The following MUS81 variants were observed in gnomAD, a reference collection of about 807,000 sequenced individuals.
The protein encoded by MUS81 is structure-specific endonuclease subunit MUS81.
A neutral mutation model predicts 74.2 loss-of-function variants in MUS81; 69 were observed. The ratio of observed to expected loss-of-function variants is 0.93; its 90% CI spans 0.77 to 1.14. The LOEUF is 1.14. Ranked by LOEUF, MUS81 falls within the 50% of genes most tolerant of loss-of-function variation. The probability of loss-of-function intolerance (pLI) is 0.00; values close to 1 mark genes in which losing one functional copy is unlikely to be tolerated. For missense variants in MUS81, 711 were observed against 726.5 expected, an observed-to-expected ratio of 0.98 and a Z score of 0.25; for synonymous variants, 303 against 300.6, an observed-to-expected ratio of 1.01 and a Z score of -0.08.
At position 65,861,406 on chromosome 11, in the gene MUS81, C is replaced by A. The variant is rs770980629; in HGVS notation, c.322C>A (p.Leu108Ile). The change falls in exon 3 of 16, where the codon CTT (leucine) becomes ATT (isoleucine). Residue 108 changes from leucine (L) to isoleucine (I), a missense_variant. Transcript: ENST00000308110. ...GAACAGTCCAGCCCCGCAGGGGCGA[C>A]TTGCGGAAGTCCAGGACTCTTCCAT... The part of the protein sequence containing the change: ...GENSPAPQGR[L>I]AEVQDSSMPV... The A allele has an allele frequency of 6.2e-7, 1 of 1,605,072 alleles. No individual in the cohort carries two copies. Among genetic ancestry groups the A allele is most frequent in the Non-Finnish European group, 8.5e-7 (1 of 1,174,938 alleles).
rs1232876757 is a variant in MUS81 at position 65,860,637 on chromosome 11, C to G, written c.-117C>G. 2 of 1,425,066 alleles carry G rather than the reference C, an allele frequency of 1.4e-6. No individual in the cohort carries two copies. The highest frequency in any genetic ancestry group is 2.5e-5 in the South Asian group (2 of 80,770). The allele number at this position is 1,425,066 out of a possible 1,614,324, so 88.3% of individuals were successfully genotyped here. On this transcript the variant is annotated 5_prime_UTR_variant, in exon 1 of 16. Transcript: ENST00000308110. Reference sequence around the variant, plus strand: ...GGCCCCGTGATCTCAACGGTCCTGCCCTCGGTCTCCCTCTTCCCCCGCCCC... The same window carrying G: ...GGCCCCGTGATCTCAACGGTCCTGCGCTCGGTCTCCCTCTTCCCCCGCCCC...
chr11:65,862,025 G>T lies in MUS81; in HGVS notation c.430G>T (p.Val144Leu). The change falls in exon 4 of 16, where the codon GTG (valine) becomes TTG (leucine). Residue 144 changes from valine (V) to leucine (L), a missense_variant. Transcript: ENST00000308110. ...RHSGARVILLVLYREHLNPNG... is the reference protein window; with the variant it reads ...RHSGARVILLLLYREHLNPNG... ...CTCAGGAGCCCGAGTGATACTGCTG[G>T]TGCTCTACCGGGAGCACCTGGTGAG... The T allele has an allele frequency of 1.2e-6, 2 of 1,609,670 alleles. No individual in the cohort carries two copies. Among genetic ancestry groups the T allele is most frequent in the African/African-American group, 1.3e-5 (1 of 74,962 alleles).
chr11:65,865,745 C>A (rs1859804116), intron 14 of MUS81, 66 bp from the exon 15 acceptor site: 5 of 1,505,316 alleles, frequency 3.3e-6, no homozygotes. Context: ...CTCTGCCTGG[C>A]CCCTCATGGT....
upstream of MUS81, chr11:65,860,122 A>C: frequency 5.1e-6 from 2 of 388,782 alleles, no homozygotes; most frequent in East Asian, 7.4e-5. Context: ...CATTTCCTCC[A>C]AGGGTCCTGC....
Position 65,860,597 on chromosome 11 carries a change from GC to G in MUS81, c.-152del, listed in dbSNP as rs1859550156. On this transcript the variant is annotated 5_prime_UTR_variant, in exon 1 of 16. Transcript: ENST00000308110. ...GGCCGCAGGCTCTCCTCTCGTTAGT[GC>G]CCCCTGTGTTTGGGGCCCCGTGATC... 6 of 969,404 alleles carry G rather than the reference GC, an allele frequency of 6.2e-6. No individual in the cohort carries two copies. In the Admixed American group the frequency reaches 8.9e-5, roughly 14 times the overall value. 60.1% of individuals were successfully genotyped at this position (969,404 alleles called of 1,614,324 possible).
intron 6 of MUS81, 117 bp from the exon 7 acceptor site, chr11:65,862,948 G>T (rs960248857): frequency 1.4e-5 from 18 of 1,320,818 alleles, no homozygotes; most frequent in Non-Finnish European, 1.9e-5. Context: ...GAGCCACTGG[G>T]GTCATTTGTG....
At chr11:65,864,324 A>G (rs1859730419) in intron 10 of MUS81, 173 bp from the exon 11 acceptor site, 1 of 637,256 alleles carries the variant, frequency 1.6e-6, no homozygotes, top group Non-Finnish European at 2.8e-6. Flanking sequence ...CAAGAGTGTC[A>G]GCATGAGCAA....
At chr11:65,863,380 T>C (rs1385309725) in intron 7 of MUS81, 30 bp from the exon 8 acceptor site, 1 of 1,613,296 alleles carries the variant, frequency 6.2e-7, no homozygotes, top group African/African-American at 1.3e-5. Flanking sequence ...CAAGGGGTTC[T>C]GGCCTCACAT....
chr11:65,861,171 A>G, intron 2 of MUS81, 69 bp downstream of exon 2: 1 of 1,605,312 alleles, frequency 6.2e-7, no homozygotes, highest in South Asian at 1.1e-5. Flanking sequence ...CTCTCCTGGG[A>G]GCCCTTGGCT....
At chr11:65,865,673 G>A in intron 14 of MUS81, 138 bp from the exon 15 acceptor site, 1 of 891,350 alleles carries the variant, frequency 1.1e-6, no homozygotes, top group African/African-American at 1.7e-5. Context: ...CTGGCATGGG[G>A]CCTTGAGTGC....
intron 7 of MUS81, 55 bp downstream of exon 7, chr11:65,863,260 G>T: frequency 6.3e-7 from 1 of 1,586,452 alleles, no homozygotes; most frequent in Non-Finnish European, 8.6e-7. Flanking sequence ...TGGGAAATGA[G>T]GCCAAAGCCC....
rs1555041589 is a variant in MUS81, at chr11:65,865,042, G to T, written c.1298G>T (p.Trp433Leu). ...GGCCACACCCTACGCAGCCGCCCCT[G>T]GGGAACCCCTGGGAACCCTGAATCA... is the stretch of plus-strand genomic sequence containing the variant. ...YQGHTLRSRP[W>L]GTPGNPESGA... Residue 433 changes from tryptophan to leucine, a missense_variant, in exon 13 of 16, where the codon TGG becomes TTG. Transcript: ENST00000308110. The T allele has an allele frequency of 9.3e-6, 15 of 1,613,878 alleles. No individual in the cohort carries two copies. In the South Asian group the frequency reaches 1.5e-4, roughly 17 times the overall value.
At position 65,860,633 on chromosome 11, in the gene MUS81, C is replaced by T. The variant is rs906637635; in HGVS notation, c.-121C>T. ...TTGGGGCCCCGTGATCTCAACGGTC[C>T]TGCCCTCGGTCTCCCTCTTCCCCCG... On this transcript the variant is annotated 5_prime_UTR_variant, in exon 1 of 16. Coordinates refer to ENST00000308110, the MANE Select transcript of MUS81 (RefSeq NM_025128.5). The T allele has an allele frequency of 1.4e-5, 20 of 1,406,034 alleles. No homozygotes were observed. The highest frequency in any genetic ancestry group is 1.9e-5 in the Non-Finnish European group (20 of 1,033,962). The allele number at this position is 1,406,034 out of a possible 1,614,324, so 87.1% of individuals were successfully genotyped here. A position where few individuals can be genotyped will look rare whatever the true frequency, so the allele number is the denominator to read the frequency against.
chr11:65,864,345 G>A (rs913088161), intron 10 of MUS81, 152 bp from the exon 11 acceptor site: 6 of 675,890 alleles, frequency 8.9e-6, no homozygotes, highest in Non-Finnish European at 1.6e-5. Context: ...AGCTGCGGAG[G>A]CCCCTGTGAG....
rs1455614900 is a variant in MUS81 at position 65,862,221 on chromosome 11, G to A, written c.461G>A (p.Gly154Asp). ...CTACCTTGGTTTCAGAATCCTAATG[G>A]TCACCACTTCTTAACCAAGGAGGAG... ...VLYREHLNPN[G>D]HHFLTKEELL... Residue 154 changes from glycine (G) to aspartate (D), a missense_variant, in exon 5 of 16, where the codon GGT becomes GAT. Gly to Asp is a moderately conservative substitution (Grantham distance 94, BLOSUM62 -1). Coordinates refer to ENST00000308110, the MANE Select transcript of MUS81 (RefSeq NM_025128.5). 1 of 1,613,658 alleles carries A rather than the reference G, an allele frequency of 6.2e-7. No homozygotes were observed. The highest frequency in any genetic ancestry group is 1.1e-5 in the South Asian group (1 of 91,056).
rs560971686 is a variant in MUS81 at position 65,864,072 on chromosome 11, G to C, written c.1059+171G>C. 4 of 663,458 alleles carry C rather than the reference G, an allele frequency of 6.0e-6. No homozygotes were observed. In the East Asian group the frequency reaches 8.2e-5, roughly 14 times the overall value. The allele number at this position is 663,458 out of a possible 1,614,324, so 41.1% of individuals were successfully genotyped here. On this transcript the variant is annotated intron_variant, in intron 10 of 15. Transcript: ENST00000308110. ...CAGACCCCCACAGGCCCATCCAGGCGCACAGTAGGAAGCCAGGTACCTGCA... is the reference window on the plus strand; with the variant it reads ...CAGACCCCCACAGGCCCATCCAGGCCCACAGTAGGAAGCCAGGTACCTGCA...
chr11:65,863,095 G>T lies in MUS81; in HGVS notation c.636G>T (p.Leu212=). The T allele has an allele frequency of 6.2e-7, 1 of 1,614,154 alleles. No individual in the cohort carries two copies. The highest frequency in any genetic ancestry group is 1.3e-5 in the African/African-American group (1 of 75,044). The change falls in exon 7 of 16, where the codon CTG becomes CTT. Residue 212 remains leucine, a synonymous_variant. Coordinates refer to ENST00000308110, the MANE Select transcript of MUS81 (RefSeq NM_025128.5). Reference sequence around the variant, plus strand: ...CATTGACCCCAGAGGGCCTGGAGCTGGCCCAGAAGTTGGCCGAGTCAGAAG... The same window carrying T: ...CATTGACCCCAGAGGGCCTGGAGCTTGCCCAGAAGTTGGCCGAGTCAGAAG... ...RYSLTPEGLE[L]AQKLAESEGL...
In MUS81 at chr11:65,861,386, G is replaced by C. The variant is rs561972931; in HGVS notation, c.302G>C (p.Ser101Thr). The C allele has an allele frequency of 3.7e-6, 6 of 1,603,386 alleles. No homozygotes were observed. Among genetic ancestry groups the C allele is most frequent in the Non-Finnish European group, 4.3e-6 (5 of 1,174,062 alleles). ...HAPDSPSGEN[S>T]PAPQGRLAEV... ...CCGGACTCACCATCTGGAGAGAACA[G>C]TCCAGCCCCGCAGGGGCGACTTGCG... Residue 101 changes from serine to threonine, a missense_variant, in exon 3 of 16, where the codon AGT (serine) becomes ACT (threonine). By Grantham distance (58) the Ser-to-Thr change is moderately conservative. Transcript: ENST00000308110.
In MUS81 at chr11:65,860,927, C is replaced by T. The variant is rs200586645; in HGVS notation, c.135+39C>T. 310 of 1,605,724 alleles carry T rather than the reference C, an allele frequency of 1.9e-4. 1 individual carries two copies. The African/African-American group carries it at 3.8e-3, about 20-fold the overall frequency. On this transcript the variant is annotated intron_variant, in intron 1 of 15. Transcript: ENST00000308110. ...TGGCCCGATGGGAAAAGCTGCTGGC[C>T]AGGTCAGGCCTGCCCTGACCAGGTA...
Sources: allele counts gnomAD v4.1 joint callset, GRCh38; gene constraint gnomAD v4.1.1; transcripts MANE v1.5; gene names NCBI Gene and HGNC (gene_info 2026-07-23, HGNC 2026-07-21).